Variants in ABCG4 observed in about 807,000 individuals in gnomAD.
ABCG4 encodes ATP binding cassette subfamily G member 4, also known as ATP-binding cassette sub-family G member 4.
ABCG4 carries 35 observed loss-of-function variants against 64.6 expected under a neutral mutation model. That is an observed-to-expected ratio of 0.54 (90% CI 0.41 to 0.72). The LOEUF (loss-of-function observed/expected upper bound fraction) is 0.72, where lower values mean the gene tolerates loss of function less well. ABCG4 is among the 30% of genes least tolerant of loss of function. The pLI is 0.00. For synonymous variants in ABCG4, 326 were observed against 348.2 expected (o/e 0.94, Z 0.71); for missense variants, 610 against 846.3 (o/e 0.72, Z 3.46).
In ABCG4 at chr11:119,150,118, C is replaced by A. The variant is rs1420888871; in HGVS notation, c.153C>A (p.Ser51=). The change falls in exon 2 of 15, where the codon TCC becomes TCA. Residue 51 remains serine (S), a synonymous_variant. Coordinates refer to ENST00000619701, the MANE Select transcript of ABCG4 (RefSeq NM_022169.5). This position sits in a 1 kb window ranked among gnomAD's most constrained non-coding sequence, Gnocchi z 4.3. ...ENHITEAQRF[S]HLPKRSAVDI... ...ACATCACTGAAGCCCAGCGCTTCTC[C>A]CACCTACCCAAGCGCTCAGCCGTGG... 2.5e-6 allele frequency: 4 copies of A among 1,614,050 alleles called. No homozygotes were observed. The highest frequency in any genetic ancestry group is 3.4e-6 in the Non-Finnish European group (4 of 1,180,022).
At position 119,158,748 on chromosome 11, in the gene ABCG4, T is replaced by C. The variant is rs1276801414; in HGVS notation, c.1336+23T>C. The C allele has an allele frequency of 6.2e-7, 1 of 1,614,090 alleles. No individual in the cohort carries two copies. The highest frequency in any genetic ancestry group is 1.7e-5 in the Admixed American group (1 of 60,020). On this transcript the variant is annotated intron_variant, in intron 11 of 14. Transcript: ENST00000619701. The surrounding 1 kb of genome is among the most constrained non-coding windows in gnomAD (Gnocchi z 4.5). ...CCTGTGAGCTGAGCTGCCCTGGGCA[T>C]GGGGCAAGGGTGTGGGTGCTGGGGC...
chr11:119,160,333 T>C lies in ABCG4; in HGVS notation c.1544T>C (p.Leu515Ser). The C allele has an allele frequency of 6.2e-7, 1 of 1,613,612 alleles. No homozygotes were observed. Among genetic ancestry groups the C allele is most frequent in the South Asian group, 1.1e-5 (1 of 91,072 alleles). ...TCAGCCCTGGCCACCGCCACCGCCTTGGTGGCCCAATCTTTGGGGCTGCTG... is the reference window on the plus strand; with the variant it reads ...TCAGCCCTGGCCACCGCCACCGCCTCGGTGGCCCAATCTTTGGGGCTGCTG... The part of the protein sequence containing the change: ...LFSALATATA[L>S]VAQSLGLLIG... The change falls in exon 13 of 15, where the codon TTG (leucine) becomes TCG (serine). Residue 515 changes from leucine (L) to serine (S), a missense_variant. Physicochemically the swap from Leu to Ser is moderately radical, Grantham distance 145. Coordinates refer to ENST00000619701, the MANE Select transcript of ABCG4 (RefSeq NM_022169.5). The surrounding 1 kb of genome is among the most constrained non-coding windows in gnomAD (Gnocchi z 4.6).
chr11:119,157,839 C>G (rs1948286915), intron 9 of ABCG4, among the ~76,000 whole-genome samples: 1 of 152,168 alleles, frequency 6.6e-6, no homozygotes. Flanking sequence ...GCACTCCAGA[C>G]TGGGCGACAG....
At position 119,154,970 on chromosome 11, in the gene ABCG4, C is replaced by G; in HGVS notation, c.686+55C>G. The G allele has an allele frequency of 6.4e-7, 1 of 1,562,800 alleles. No homozygotes were observed. Among genetic ancestry groups the G allele is most frequent in the Non-Finnish European group, 8.7e-7 (1 of 1,147,344 alleles). ...TACCCCTCTCCTCTCGGCCCTGAGC[C>G]AGGGCTGGAGGCTGCATCTTCTCCA... On this transcript the variant is annotated intron_variant, in intron 6 of 14. Transcript: ENST00000619701. The surrounding 1 kb of genome is among the most constrained non-coding windows in gnomAD (Gnocchi z 7.0).
chr11:119,156,331 G>A lies in ABCG4; in HGVS notation c.689G>A (p.Gly230Asp). Residue 230 changes from glycine (G) to aspartate (D), a missense_variant and splice_region_variant, in exon 7 of 15, where the codon GGT becomes GAT. Physicochemically the swap from Gly to Asp is moderately conservative, Grantham distance 94. Coordinates refer to ENST00000619701, the MANE Select transcript of ABCG4 (RefSeq NM_022169.5). The surrounding 1 kb of genome is among the most constrained non-coding windows in gnomAD (Gnocchi z 5.5). ...CCTGGTGGCCTCTCTCTGGACAGTG[G>A]TCTGGATAGCGCCTCTTGTTTCCAA... ...PVMFFDEPTS[G>D]LDSASCFQVV... is the part of the protein sequence containing the mutation. 6.2e-7 allele frequency: 1 copy of A among 1,614,222 alleles called. No individual in the cohort carries two copies. The highest frequency in any genetic ancestry group is 8.5e-7 in the Non-Finnish European group (1 of 1,180,054).
rs911871257 is a variant in ABCG4 at position 119,162,390 on chromosome 11, C to T, written c.*1284C>T. On this transcript the variant is annotated 3_prime_UTR_variant, in exon 15 of 15. Coordinates refer to ENST00000619701, the MANE Select transcript of ABCG4 (RefSeq NM_022169.5). ...GTCCATGTCCCTCCACTGTTCCTAT[C>T]AGCAGGTGGCCCCTGGGCATCAGAA... 6.5e-6 allele frequency: 1 copy of T among 152,742 alleles called. No homozygotes were observed. Among genetic ancestry groups the T allele is most frequent in the Non-Finnish European group, 1.5e-5 (1 of 68,112 alleles). The allele number at this position is 152,742 out of a possible 1,614,324, so 9.5% of individuals were successfully genotyped here. A position where few individuals can be genotyped will look rare whatever the true frequency, so the allele number is the denominator to read the frequency against.
At position 119,153,911 on chromosome 11, in the gene ABCG4, A is replaced by G. The variant is rs1166207516; in HGVS notation, c.239-115A>G. The G allele has an allele frequency of 4.5e-6, 4 of 880,582 alleles. No homozygotes were observed. The East Asian group carries it at 7.2e-5, about 16-fold the overall frequency. 54.5% of individuals were successfully genotyped at this position (880,582 alleles called of 1,614,324 possible). ...AGGGTTGTTCCTCCATCCTAACCCA[A>G]TCACACTGAGTAGGGGCTACCTATT... On this transcript the variant is annotated intron_variant, in intron 2 of 14. Transcript: ENST00000619701.
In ABCG4 at chr11:119,161,148, C is replaced by A. The variant is rs970086691; in HGVS notation, c.*42C>A. The A allele has an allele frequency of 5.1e-6, 8 of 1,569,534 alleles. No individual in the cohort carries two copies. In the African/African-American group the frequency reaches 1.1e-4, roughly 21 times the overall value. On this transcript the variant is annotated 3_prime_UTR_variant, in exon 15 of 15. Coordinates refer to ENST00000619701, the MANE Select transcript of ABCG4 (RefSeq NM_022169.5). ...GTACCCCAGCCCCTGCAGCAGGAAG[C>A]CCCCAGTCCCAGCCCTTTGGGACTG...
chr11:119,157,170 A>G (rs980069327), intron 9 of ABCG4, among the ~76,000 whole-genome samples, 156 bp downstream of exon 9: 2 of 152,240 alleles, frequency 1.3e-5, no homozygotes, highest in Non-Finnish European at 2.9e-5. Flanking sequence ...TAGGAACAGC[A>G]CTGTGACCTT....
In ABCG4 at chr11:119,160,569, T is replaced by C; in HGVS notation, c.1628T>C (p.Ile543Thr). 6.2e-7 allele frequency: 1 copy of C among 1,612,356 alleles called. No individual in the cohort carries two copies. Among genetic ancestry groups the C allele is most frequent in the Non-Finnish European group, 8.5e-7 (1 of 1,179,956 alleles). Residue 543 changes from isoleucine (I) to threonine (T), a missense_variant, in exon 14 of 15, where the codon ATC becomes ACC. Coordinates refer to ENST00000619701, the MANE Select transcript of ABCG4 (RefSeq NM_022169.5). The surrounding 1 kb of genome is among the most constrained non-coding windows in gnomAD (Gnocchi z 4.6). The stretch of plus-strand genomic sequence containing the variant: ...ACTTTTGTGGGCCCAGTTACCGCCA[T>C]CCCTGTCCTCTTGTTCTCCGGCTTC... Reference protein sequence around the residue: ...VATFVGPVTAIPVLLFSGFFV... With the variant: ...VATFVGPVTATPVLLFSGFFV...
Position 119,160,147 on chromosome 11 carries a change from C to T in ABCG4, c.1438-80C>T. The T allele has an allele frequency of 1.3e-6, 2 of 1,497,854 alleles. No homozygotes were observed. The highest frequency in any genetic ancestry group is 1.8e-6 in the Non-Finnish European group (2 of 1,103,682). The allele number at this position is 1,497,854 out of a possible 1,614,324, so 92.8% of individuals were successfully genotyped here. A position where few individuals can be genotyped will look rare whatever the true frequency, so the allele number is the denominator to read the frequency against. ...CCCTGGGAATAGGTATTCTAGAGGC[C>T]CAGCCTTGGGTGGAGTGGAGGTCTT... On this transcript the variant is annotated intron_variant, in intron 12 of 14. Transcript: ENST00000619701. The surrounding 1 kb of genome is among the most constrained non-coding windows in gnomAD (Gnocchi z 4.6).
rs1948352029 is a variant in ABCG4, at chr11:119,161,447, G to A, written c.*341G>A. 1 of 227,912 alleles carries A rather than the reference G, an allele frequency of 4.4e-6. No individual in the cohort carries two copies. 14.1% of individuals were successfully genotyped at this position (227,912 alleles called of 1,614,324 possible). On this transcript the variant is annotated 3_prime_UTR_variant, in exon 15 of 15. Transcript: ENST00000619701. ...CTCTGCTGTCTGCCTGGGAGCCCTA[G>A]GCTCTCTAGGGCCCCACTTACAACT...
Position 119,154,904 on chromosome 11 carries a change from T to A in ABCG4, c.675T>A (p.Asp225Glu). Residue 225 changes from aspartate to glutamate, a missense_variant, in exon 6 of 15, where the codon GAT becomes GAA. By Grantham distance (45) the Asp-to-Glu change is conservative. Transcript: ENST00000619701. This position sits in a 1 kb window ranked among gnomAD's most constrained non-coding sequence, Gnocchi z 7.0. ...ACAACCCGCCTGTCATGTTCTTTGA[T>A]GAGCCCACCAGGTAGTTCTCTCCAC... is the stretch of plus-strand genomic sequence containing the variant. Reference protein sequence around the residue: ...LVNNPPVMFFDEPTSGLDSAS... With the variant: ...LVNNPPVMFFEEPTSGLDSAS... The A allele has an allele frequency of 6.2e-7, 1 of 1,611,692 alleles. No individual in the cohort carries two copies. The highest frequency in any genetic ancestry group is 1.1e-5 in the South Asian group (1 of 90,988).
chr11:119,156,685 G>A lies in ABCG4; in HGVS notation c.925+7G>A, dbSNP rs773946705. The stretch of plus-strand genomic sequence containing the variant: ...CACAACCCGGCTGACTTCAGTGAGT[G>A]GGGGTCTGTTGGTAGGGGCTGGGAA... On this transcript the variant is annotated splice_region_variant and intron_variant, in intron 8 of 14. Coordinates refer to ENST00000619701, the MANE Select transcript of ABCG4 (RefSeq NM_022169.5). This position sits in a 1 kb window ranked among gnomAD's most constrained non-coding sequence, Gnocchi z 5.5. 8 of 1,613,916 alleles carry A rather than the reference G, an allele frequency of 5.0e-6. No individual in the cohort carries two copies. Among genetic ancestry groups the A allele is most frequent in the Non-Finnish European group, 5.9e-6 (7 of 1,179,796 alleles).
At chr11:119,151,887 C>T (rs1948197016) in intron 2 of ABCG4, among the ~76,000 whole-genome samples, 1 of 152,158 alleles carries the variant, frequency 6.6e-6, no homozygotes, top group African/African-American at 2.4e-5. Flanking sequence ...TGACCTTGGG[C>T]AGGCTGCCTA....
intron 2 of ABCG4, among the ~76,000 whole-genome samples, chr11:119,151,131 C>T (rs1337793297): frequency 6.6e-6 from 1 of 152,280 alleles, no homozygotes; most frequent in Admixed American, 6.5e-5. Context: ...TCTGGGCTTC[C>T]TGCCCAGTGG....
At chr11:119,159,877 C>G (rs1948320970) in intron 12 of ABCG4, among the ~76,000 whole-genome samples, 1 of 151,912 alleles carries the variant, frequency 6.6e-6, no homozygotes, top group Non-Finnish European at 1.5e-5. Context: ...GTTGGTAGCT[C>G]ATGGGGGAAC....
At position 119,158,841 on chromosome 11, in the gene ABCG4, T is replaced by A. The variant is rs779974362; in HGVS notation, c.1349T>A (p.Met450Lys). The part of the protein sequence containing the change: ...MPTVLTFPLE[M>K]AVFMREHLNY... ...CCTGTGTCCTCAGTCCCCTTAGAGA[T>A]GGCGGTCTTCATGAGGGAGCACCTC... The change falls in exon 12 of 15, where the codon ATG (methionine) becomes AAG (lysine). Residue 450 changes from methionine to lysine, a missense_variant. Transcript: ENST00000619701. This position sits in a 1 kb window ranked among gnomAD's most constrained non-coding sequence, Gnocchi z 4.5. 1 of 1,614,170 alleles carries A rather than the reference T, an allele frequency of 6.2e-7. No homozygotes were observed. Among genetic ancestry groups the A allele is most frequent in the East Asian group, 2.2e-5 (1 of 44,878 alleles).
In ABCG4 at chr11:119,156,781, G is replaced by A. The variant is rs556053555; in HGVS notation, c.926-91G>A. ...TCCTAGGGGTAGAGATCTCACCGTCGCCTGCCTTCCCCACACACCCAAGGC... is the reference window on the plus strand; with the variant it reads ...TCCTAGGGGTAGAGATCTCACCGTCACCTGCCTTCCCCACACACCCAAGGC... On this transcript the variant is annotated intron_variant, in intron 8 of 14. Coordinates refer to ENST00000619701, the MANE Select transcript of ABCG4 (RefSeq NM_022169.5). This position sits in a 1 kb window ranked among gnomAD's most constrained non-coding sequence, Gnocchi z 5.5. 1.5e-4 allele frequency: 242 copies of A among 1,587,106 alleles called. No homozygotes were observed. In the East Asian group the frequency reaches 1.6e-3, roughly 11 times the overall value.
Sources: allele counts gnomAD v4.1 joint callset (sites outside exome capture counted in the v4.1 genomes callset), GRCh38; gene constraint gnomAD v4.1.1; non-coding constraint Gnocchi (gnomAD v3.1); transcripts MANE v1.5; gene names NCBI Gene and HGNC (gene_info 2026-07-23, HGNC 2026-07-21).